Variants in ITGB3BP observed in about 807,000 individuals in gnomAD.
ITGB3BP encodes the protein integrin subunit beta 3 binding protein.
Under a neutral mutation model 29.1 loss-of-function variants are expected in ITGB3BP, and 27 were observed. That is an observed-to-expected ratio of 0.93 (90% CI 0.68 to 1.28). ITGB3BP has a LOEUF of 1.28. Among genes scored for constraint, ITGB3BP ranks in the 50% most tolerant of loss-of-function variants. ITGB3BP has a pLI of 0.00. For missense variants in ITGB3BP, 192 were observed against 200.2 expected, an observed-to-expected ratio of 0.96 and a Z score of 0.25; for synonymous variants, 61 against 61.4, an observed-to-expected ratio of 0.99 and a Z score of 0.03.
chr1:63,474,894 A>T (rs977036499), intron 4 of ITGB3BP, among the ~76,000 whole-genome samples: 2 of 107,674 alleles, frequency 1.9e-5, no homozygotes, highest in African/African-American at 6.7e-5. Flanking sequence ...ATCAATAAAA[A>T]AAAAAAATAA....
intron 4 of ITGB3BP, among the ~76,000 whole-genome samples, chr1:63,466,665 T>C (rs1361697495): frequency 1.3e-5 from 2 of 152,202 alleles, no homozygotes; most frequent in Non-Finnish European, 1.5e-5. Context: ...TTTTATCTTA[T>C]TAGAAACAAG....
intron 7 of ITGB3BP, among the ~76,000 whole-genome samples, chr1:63,448,141 G>A (rs1388844947): frequency 1.6e-5 from 2 of 128,752 alleles, no homozygotes; most frequent in African/African-American, 5.9e-5. Context: ...AGAACACATG[G>A]ACACAGGAAG....
chr1:63,467,567 C>A (rs947474742), intron 4 of ITGB3BP, among the ~76,000 whole-genome samples: 1 of 152,108 alleles, frequency 6.6e-6, no homozygotes, highest in East Asian at 1.9e-4. Flanking sequence ...GATGGAGTCT[C>A]GCTATGTTGC....
At chr1:63,497,914 T>G (rs1448548510) in intron 2 of ITGB3BP, among the ~76,000 whole-genome samples, 2 of 52,996 alleles carry the variant, frequency 3.8e-5, no homozygotes, top group Admixed American at 3.0e-4. Flanking sequence ...TAACACATGC[T>G]TTTCCTTTCC....
intron 1 of ITGB3BP, among the ~76,000 whole-genome samples, chr1:63,516,370 G>GC (rs1456051910): frequency 7.2e-6 from 1 of 138,490 alleles, no homozygotes; most frequent in Admixed American, 7.3e-5. Context: ...GGGAGAAGGG[G>GC]GGGGGAAGGG....
At chr1:63,512,851 T>C (rs961597501) in intron 1 of ITGB3BP, among the ~76,000 whole-genome samples, 9 of 152,232 alleles carry the variant, frequency 5.9e-5, no homozygotes, top group South Asian at 2.1e-4. Flanking sequence ...TAGAAATCCT[T>C]TGATGAAAGG....
At chr1:63,478,711 T>C (rs1203240807) in intron 4 of ITGB3BP, 53 bp downstream of exon 4, 3 of 842,544 alleles carry the variant, frequency 3.6e-6, no homozygotes, top group Middle Eastern at 2.3e-4. Context: ...TTAACAAATA[T>C]GAACGTCTTT....
chr1:63,528,205 T>TA (rs1174640114), upstream of ITGB3BP, among the ~76,000 whole-genome samples: 1 of 151,802 alleles, frequency 6.6e-6, no homozygotes, highest in East Asian at 1.9e-4. Context: ...TGGATAAAAA[T>TA]AAAAAAAGTG....
At chr1:63,484,507 A>G (rs1000584670) in intron 3 of ITGB3BP, among the ~76,000 whole-genome samples, 1 of 152,030 alleles carries the variant, frequency 6.6e-6, no homozygotes, top group South Asian at 2.1e-4. Context: ...TGATCAATGA[A>G]TTATTTAGAA....
chr1:63,515,225 TC>T (rs1335730070), intron 1 of ITGB3BP, among the ~76,000 whole-genome samples: 1 of 152,160 alleles, frequency 6.6e-6, no homozygotes, highest in East Asian at 1.9e-4. Context: ...TTTGTTTTTT[TC>T]CCCACTGGGT....
At chr1:63,523,398 C>T, upstream of ITGB3BP, 1 of 554,498 alleles carries the variant, frequency 1.8e-6, no homozygotes, top group Non-Finnish European at 3.2e-6. Context: ...CTACTCTGGC[C>T]ATACCACCCC....
intron 2 of ITGB3BP, among the ~76,000 whole-genome samples, chr1:63,494,997 G>A (rs1557641378): frequency 6.6e-6 from 1 of 152,042 alleles, no homozygotes; most frequent in African/African-American, 2.4e-5. Flanking sequence ...TTTAGAGACA[G>A]GGTCTTACTA....
At chr1:63,527,664 C>A (rs573539756), upstream of ITGB3BP, among the ~76,000 whole-genome samples, 2 of 152,202 alleles carry the variant, frequency 1.3e-5, no homozygotes, top group South Asian at 4.2e-4. Flanking sequence ...TAATTCTAAA[C>A]CTAGAGATTA....
At chr1:63,470,127 G>A (rs974014547) in intron 4 of ITGB3BP, among the ~76,000 whole-genome samples, 2 of 152,162 alleles carry the variant, frequency 1.3e-5, no homozygotes, top group Non-Finnish European at 2.9e-5. Context: ...TAGAAACAAT[G>A]CTAATGACTG....
intron 3 of ITGB3BP, among the ~76,000 whole-genome samples, chr1:63,482,821 T>A (rs184078671): frequency 1.3e-5 from 2 of 152,104 alleles, no homozygotes; most frequent in East Asian, 3.9e-4. Context: ...GCCTGGCTAA[T>A]TTTTGTATTT....
chr1:63,469,127 C>T (rs945767310), intron 4 of ITGB3BP, among the ~76,000 whole-genome samples: 6 of 151,332 alleles, frequency 4.0e-5, no homozygotes, highest in African/African-American at 1.5e-4. Context: ...TCAGTTTCTT[C>T]ACCGTTGTTA....
intron 1 of ITGB3BP, among the ~76,000 whole-genome samples, chr1:63,520,766 C>T (rs1012309058): frequency 2.6e-5 from 4 of 152,096 alleles, no homozygotes; most frequent in African/African-American, 9.7e-5. Context: ...CATCTATTTG[C>T]TTCCCCCAAA....
intron 2 of ITGB3BP, among the ~76,000 whole-genome samples, chr1:63,528,355 T>A (rs567918284): frequency 9.9e-5 from 15 of 152,274 alleles, no homozygotes; most frequent in Admixed American, 7.9e-4. Flanking sequence ...TCACACATTC[T>A]TTCTTATCTG....
At chr1:63,491,580 C>T (rs1645647213) in intron 2 of ITGB3BP, among the ~76,000 whole-genome samples, 1 of 152,074 alleles carries the variant, frequency 6.6e-6, no homozygotes, top group African/African-American at 2.4e-5. Flanking sequence ...GGTCAACTAT[C>T]CTTTATTTTT....
Sources: allele counts gnomAD v4.1 joint callset (sites outside exome capture counted in the v4.1 genomes callset), GRCh38; gene constraint gnomAD v4.1.1; transcripts MANE v1.5; gene names NCBI Gene and HGNC (gene_info 2026-07-23, HGNC 2026-07-21).